The following ARL8B variants were observed in gnomAD, a reference collection of about 807,000 sequenced individuals.
ARL8B encodes ADP-ribosylation factor-like protein 8B.
ARL8B carries 9 observed loss-of-function variants against 30.6 expected under a neutral mutation model. The observed-to-expected ratio is 0.29, with a 90% CI of 0.18 to 0.51. The LOEUF is 0.51. ARL8B is among the 20% of genes least tolerant of loss of function. The pLI, the probability that ARL8B is intolerant of heterozygous loss-of-function variation, is 0.97. For synonymous variants in ARL8B, 74 were observed against 76.0 expected, an observed-to-expected ratio of 0.97 and a Z score of 0.14; for missense variants, 130 against 227.2, an observed-to-expected ratio of 0.57 and a Z score of 2.75.
intron 1 of ARL8B, among the ~76,000 whole-genome samples, chr3:5,157,239 A>T (rs1575569344): frequency 6.6e-6 from 1 of 152,148 alleles, no homozygotes; most frequent in Non-Finnish European, 1.5e-5. Context: ...TTAGTTCTCA[A>T]AGCCTTTGTG....
intron 1 of ARL8B, among the ~76,000 whole-genome samples, chr3:5,138,199 T>TTG (rs1437714466): frequency 6.6e-6 from 1 of 151,820 alleles, no homozygotes; most frequent in Non-Finnish European, 1.5e-5. Flanking sequence ...AGTTTTTTTT[T>TTG]TTTTTTCACC....
intron 1 of ARL8B, among the ~76,000 whole-genome samples, chr3:5,169,607 G>A (rs2054653623): frequency 6.6e-6 from 1 of 151,056 alleles, no homozygotes; most frequent in Non-Finnish European, 1.5e-5. Flanking sequence ...GATGTTAGGT[G>A]GTATCTCTTT....
intron 4 of ARL8B, among the ~76,000 whole-genome samples, chr3:5,173,554 G>C (rs986035770): frequency 1.3e-5 from 2 of 152,100 alleles, no homozygotes; most frequent in Admixed American, 6.5e-5. Flanking sequence ...GGCTAACGCG[G>C]TGAAACCCCG....
At chr3:5,167,679 T>C (rs1487459996) in intron 1 of ARL8B, among the ~76,000 whole-genome samples, 1 of 152,254 alleles carries the variant, frequency 6.6e-6, no homozygotes, top group Non-Finnish European at 1.5e-5. Flanking sequence ...GCTACTCATT[T>C]CATTGGGTTG....
At chr3:5,124,717 G>C (rs1361898586) in intron 1 of ARL8B, among the ~76,000 whole-genome samples, 1 of 152,158 alleles carries the variant, frequency 6.6e-6, no homozygotes, top group Non-Finnish European at 1.5e-5. Context: ...GCCTCAAGCA[G>C]TCTTCCTGCC....
intron 1 of ARL8B, among the ~76,000 whole-genome samples, chr3:5,153,285 G>A (rs956023066): frequency 1.3e-5 from 2 of 152,150 alleles, no homozygotes; most frequent in Non-Finnish European, 2.9e-5. Context: ...TGTCATGGGA[G>A]GAACCTGGTG....
chr3:5,132,040 G>A (rs1269449395), intron 1 of ARL8B, among the ~76,000 whole-genome samples: 2 of 152,098 alleles, frequency 1.3e-5, no homozygotes, highest in African/African-American at 4.8e-5. Context: ...GTGCCGTCAT[G>A]CCCAGCTAAT....
rs929774007 is a variant in ARL8B at position 5,172,703 on chromosome 3, A to G, written c.335A>G (p.His112Arg). The stretch of plus-strand genomic sequence containing the variant: ...ATAGAAGCTTCCCGAAATGAGCTAC[A>G]TAATCTTCTAGATAAACCACAGTTA... ...EKIEASRNEL[H>R]NLLDKPQLQG... The change falls in exon 4 of 7, where the codon CAT (histidine) becomes CGT (arginine). Residue 112 changes from histidine to arginine, a missense_variant. Coordinates refer to ENST00000256496, the MANE Select transcript of ARL8B (RefSeq NM_018184.3). The G allele has an allele frequency of 6.2e-7, 1 of 1,612,210 alleles. No homozygotes were observed. Among genetic ancestry groups the G allele is most frequent in the Non-Finnish European group, 8.5e-7 (1 of 1,178,862 alleles).
At chr3:5,178,546 A>T in intron 6 of ARL8B, 118 bp from the exon 7 acceptor site, 1 of 889,122 alleles carries the variant, frequency 1.1e-6, no homozygotes, top group Non-Finnish European at 1.7e-6. Context: ...GCAGATGCAG[A>T]AAAGCAGCAG....
chr3:5,127,874 A>G (rs1254048382), intron 1 of ARL8B, among the ~76,000 whole-genome samples: 54 of 132,180 alleles, frequency 4.1e-4, no homozygotes, highest in Non-Finnish European at 6.1e-4. Flanking sequence ...CTCCGTCTCA[A>G]AAAAAAAAAA....
chr3:5,174,463 A>C (rs769454058), intron 6 of ARL8B, 49 bp downstream of exon 6: 1 of 1,180,892 alleles, frequency 8.5e-7, no homozygotes, highest in Admixed American at 1.7e-5. Flanking sequence ...ATTGGAAGGA[A>C]TGTCTATGCT....
intron 1 of ARL8B, among the ~76,000 whole-genome samples, chr3:5,126,401 G>T (rs191243904): frequency 1.3e-5 from 2 of 152,086 alleles, no homozygotes; most frequent in East Asian, 1.9e-4. Context: ...TTTAAGAAGC[G>T]ACTTCTCAGG....
chr3:5,158,169 A>G (rs541845514), intron 1 of ARL8B, among the ~76,000 whole-genome samples: 2 of 152,060 alleles, frequency 1.3e-5, no homozygotes, highest in African/African-American at 4.8e-5. Context: ...TTTTTAGTAG[A>G]GGTAGGGTTT....
intron 1 of ARL8B, among the ~76,000 whole-genome samples, chr3:5,160,980 A>G (rs2054574882): frequency 6.6e-6 from 1 of 152,148 alleles, no homozygotes; most frequent in Admixed American, 6.5e-5. Context: ...GTGCAGTGGC[A>G]CCATCTCAGC....
At chr3:5,163,559 A>G (rs575060591) in intron 1 of ARL8B, among the ~76,000 whole-genome samples, 1 of 152,318 alleles carries the variant, frequency 6.6e-6, no homozygotes, top group Non-Finnish European at 1.5e-5. Flanking sequence ...GATTATGAAC[A>G]TATTTTCTAG....
At chr3:5,169,340 TGTGA>T (rs985194375) in intron 1 of ARL8B, among the ~76,000 whole-genome samples, 9 of 150,022 alleles carry the variant, frequency 6.0e-5, no homozygotes, top group Admixed American at 2.6e-4. Flanking sequence ...TGTGTGTGTG[TGTGA>T]GTGTGTGAGA....
chr3:5,144,640 C>A (rs1049452096), intron 1 of ARL8B, among the ~76,000 whole-genome samples: 3 of 152,182 alleles, frequency 2.0e-5, no homozygotes, highest in Non-Finnish European at 2.9e-5. Context: ...TAAACTGGGG[C>A]CTTAATACTA....
chr3:5,141,403 T>G (rs2054372139), intron 1 of ARL8B, among the ~76,000 whole-genome samples: 1 of 152,230 alleles, frequency 6.6e-6, no homozygotes, highest in African/African-American at 2.4e-5. Context: ...TTTATTTTGG[T>G]TTCTAATAGT....
At chr3:5,143,385 C>CT (rs1316962048) in intron 1 of ARL8B, among the ~76,000 whole-genome samples, 1 of 152,248 alleles carries the variant, frequency 6.6e-6, no homozygotes, top group African/African-American at 2.4e-5. Context: ...GTGACAGACT[C>CT]TTATAAGTCT....
Sources: allele counts gnomAD v4.1 joint callset (sites outside exome capture counted in the v4.1 genomes callset), GRCh38; gene constraint gnomAD v4.1.1; transcripts MANE v1.5; gene names NCBI Gene and HGNC (gene_info 2026-07-23, HGNC 2026-07-21).